The following NOL10 variants were observed in gnomAD, a reference collection of about 807,000 sequenced individuals.
NOL10 encodes nucleolar protein 10, also known as H_NH0074G24.1.
Under a neutral mutation model 103.5 loss-of-function variants are expected in NOL10, and 58 were observed. That is an observed-to-expected ratio of 0.56 (90% confidence interval 0.45 to 0.70). The LOEUF (loss-of-function observed/expected upper bound fraction) is 0.70, where lower values mean the gene tolerates loss of function less well. Ranked by LOEUF, NOL10 falls within the 30% of genes least tolerant of loss-of-function variation. The pLI, the probability that NOL10 is intolerant of heterozygous loss-of-function variation, is 0.00. For missense variants in NOL10, 763 were observed against 807.3 expected (o/e 0.95, Z 0.67); for synonymous variants, 287 against 282.5 (o/e 1.02, Z -0.16).
chr2:10,655,066 C>T (rs1272695547), intron 11 of NOL10, among the ~76,000 whole-genome samples: 5 of 151,668 alleles, frequency 3.3e-5, no homozygotes, highest in Admixed American at 6.6e-5. Context: ...AAAAATTAGC[C>T]GGGCATCGTG....
chr2:10,602,507 T>A (rs1180799686), intron 16 of NOL10, among the ~76,000 whole-genome samples: 1 of 152,212 alleles, frequency 6.6e-6, no homozygotes, highest in Admixed American at 6.5e-5. Flanking sequence ...ATCAGGTTTC[T>A]AGTGGAGGTG....
intron 12 of NOL10, among the ~76,000 whole-genome samples, 169 bp from the exon 13 acceptor site, chr2:10,644,541 C>T (rs999654969): frequency 6.6e-6 from 1 of 152,056 alleles, no homozygotes; most frequent in Non-Finnish European, 1.5e-5. Flanking sequence ...AAAACAAATT[C>T]GAATTTTCCA....
intron 17 of NOL10, among the ~76,000 whole-genome samples, 197 bp downstream of exon 17, chr2:10,600,656 A>G (rs1287596790): frequency 6.6e-6 from 1 of 152,228 alleles, no homozygotes; most frequent in Non-Finnish European, 1.5e-5. Context: ...TTTCTCTGGT[A>G]TAAGAATCGT....
Position 10,668,642 on chromosome 2 carries a change from T to C in NOL10, c.530+16A>G. ...CTGGTCAAAATGTATATAGCAGAAT[T>C]ACTAAAACTACTCACGCAGCATCAG... On this transcript the variant is annotated intron_variant, in intron 7 of 20. Transcript: ENST00000381685. The C allele has an allele frequency of 8.0e-7, 1 of 1,252,630 alleles. No individual in the cohort carries two copies. The highest frequency in any genetic ancestry group is 1.1e-6 in the Non-Finnish European group (1 of 944,198). 77.6% of individuals were successfully genotyped at this position (1,252,630 alleles called of 1,614,324 possible). A position where few individuals can be genotyped will look rare whatever the true frequency, so the allele number is the denominator to read the frequency against.
chr2:10,616,483 G>A (rs1026585420), intron 13 of NOL10, among the ~76,000 whole-genome samples: 32 of 152,022 alleles, frequency 2.1e-4, no homozygotes, highest in African/African-American at 7.5e-4. Context: ...GCCTCCCAAA[G>A]TGCTGGGAGT....
At chr2:10,597,010 C>G (rs115457277) in intron 17 of NOL10, among the ~76,000 whole-genome samples, 1 of 152,002 alleles carries the variant, frequency 6.6e-6, no homozygotes, top group Non-Finnish European at 1.5e-5. Flanking sequence ...TGCCCTGTAG[C>G]CCAGGCTGCA....
At chr2:10,683,159 G>A (rs1681902191) in intron 2 of NOL10, among the ~76,000 whole-genome samples, 1 of 152,130 alleles carries the variant, frequency 6.6e-6, no homozygotes, top group East Asian at 1.9e-4. Flanking sequence ...CTGCAGACAA[G>A]AGGAAACCCC....
At position 10,611,236 on chromosome 2, in the gene NOL10, T is replaced by A. The variant is rs555880463; in HGVS notation, c.1027-3925A>T. Among the ~76,000 whole-genome samples, 3 of 152,356 alleles carry A rather than the reference T, an allele frequency of 2.0e-5. No individual in the cohort carries two copies. In the South Asian group the frequency reaches 6.2e-4, roughly 32 times the overall value. On this transcript the variant is annotated intron_variant, in intron 13 of 20. Transcript: ENST00000381685. Reference sequence around the variant, plus strand: ...ACCAATCTAAATGGAAATACTTGATTCTATAAAATATGAATCTTTATGTAC... The same window carrying A: ...ACCAATCTAAATGGAAATACTTGATACTATAAAATATGAATCTTTATGTAC...
chr2:10,643,751 T>C (rs1017716528), intron 13 of NOL10, among the ~76,000 whole-genome samples: 2 of 152,344 alleles, frequency 1.3e-5, no homozygotes, highest in East Asian at 3.9e-4. Flanking sequence ...TCTGAAATAC[T>C]TGGAAACAAA....
intron 8 of NOL10, among the ~76,000 whole-genome samples, chr2:10,663,552 A>T (rs928600766): frequency 2.0e-5 from 3 of 152,194 alleles, no homozygotes; most frequent in Non-Finnish European, 4.4e-5. Context: ...TAATACATGT[A>T]CATTTTTATG....
At chr2:10,684,726 A>G in intron 1 of NOL10, 114 bp from the exon 2 acceptor site, 1 of 702,404 alleles carries the variant, frequency 1.4e-6, no homozygotes, top group Non-Finnish European at 2.4e-6. Flanking sequence ...GGAATATATA[A>G]CATAGGAAGC....
chr2:10,577,948 G>A (rs1674543555), intron 19 of NOL10, among the ~76,000 whole-genome samples: 1 of 152,060 alleles, frequency 6.6e-6, no homozygotes, highest in Non-Finnish European at 1.5e-5. Context: ...AACAATGGCT[G>A]GCAAAAACAC....
At chr2:10,669,010 T>C (rs1572413486) in intron 6 of NOL10, among the ~76,000 whole-genome samples, 2 of 152,150 alleles carry the variant, frequency 1.3e-5, no homozygotes, top group African/African-American at 4.8e-5. Flanking sequence ...TGTATCTACA[T>C]ATGTATATAA....
chr2:10,614,012 T>C (rs1676707931), intron 13 of NOL10, among the ~76,000 whole-genome samples: 1 of 151,584 alleles, frequency 6.6e-6, no homozygotes, highest in Admixed American at 6.6e-5. Flanking sequence ...CAGGCTGAAG[T>C]GCAGTGCCAC....
intron 13 of NOL10, among the ~76,000 whole-genome samples, chr2:10,620,978 T>C (rs1677109628): frequency 6.6e-6 from 1 of 152,124 alleles, no homozygotes; most frequent in East Asian, 1.9e-4. Context: ...TGTATTTTAA[T>C]AGAGACGGTT....
At chr2:10,678,931 A>C (rs1681520290) in intron 3 of NOL10, among the ~76,000 whole-genome samples, 1 of 152,146 alleles carries the variant, frequency 6.6e-6, no homozygotes, top group Non-Finnish European at 1.5e-5. Flanking sequence ...AATCAAATTA[A>C]ATTTAAGATT....
intron 20 of NOL10, among the ~76,000 whole-genome samples, chr2:10,575,648 C>T (rs1340557196): frequency 6.6e-6 from 1 of 152,124 alleles, no homozygotes; most frequent in Non-Finnish European, 1.5e-5. Context: ...CTCAGTACCT[C>T]CCGATTTAGA....
intron 19 of NOL10, among the ~76,000 whole-genome samples, chr2:10,588,648 G>C (rs1381418539): frequency 6.6e-6 from 1 of 152,192 alleles, no homozygotes; most frequent in Non-Finnish European, 1.5e-5. Context: ...GTAGGGCACA[G>C]AGTAAGTATT....
rs754963598 is a variant in NOL10, at chr2:10,572,137, C to T, written c.2001G>A (p.Arg667=). ...GTCCGGCCGAACGACGGAGTCTTTT[C>T]CTTTCTTGTCGATGCAGTTTCTCAG... The part of the protein sequence containing the change: ...QEAEKLHRQE[R]KRLRRSAGHL... Residue 667 remains arginine, a synonymous_variant, in exon 21 of 21, where the codon AGG becomes AGA. Coordinates refer to ENST00000381685, the MANE Select transcript of NOL10 (RefSeq NM_024894.4). 9.9e-6 allele frequency: 16 copies of T among 1,613,888 alleles called. No individual in the cohort carries two copies. Among genetic ancestry groups the T allele is most frequent in the Admixed American group, 3.3e-5 (2 of 60,000 alleles).
Sources: allele counts gnomAD v4.1 joint callset (sites outside exome capture counted in the v4.1 genomes callset), GRCh38; gene constraint gnomAD v4.1.1; transcripts MANE v1.5; gene names NCBI Gene and HGNC (gene_info 2026-07-23, HGNC 2026-07-21).